ROBO2: variants seen among roughly 807,000 people sequenced by gnomAD.
The protein encoded by ROBO2 is roundabout homolog 2.
ROBO2 carries 53 observed loss-of-function variants against 160.8 expected under a neutral mutation model. That is an observed-to-expected ratio of 0.33 (90% CI 0.26 to 0.41). ROBO2 has a LOEUF of 0.41. Ranked by LOEUF, ROBO2 falls within the 10% of genes least tolerant of loss-of-function variation. ROBO2 has a pLI of 1.00. For missense variants in ROBO2, 1,577 were observed against 1,722.4 expected (o/e 0.92, Z 1.49); for synonymous variants, 664 against 611.7 (o/e 1.09, Z -1.26).
At chr3:76,458,091 A>C (rs1316885235) in intron 2 of ROBO2, among the ~76,000 whole-genome samples, 1 of 152,200 alleles carries the variant, frequency 6.6e-6, no homozygotes, top group African/African-American at 2.4e-5. Context: ...ACTTATGCAA[A>C]GTTCTGCAGC....
At chr3:75,958,757 A>G (rs116647311) in intron 2 of ROBO2, among the ~76,000 whole-genome samples, 3,837 of 151,838 alleles carry the variant, frequency 0.025, 71 homozygotes, top group Non-Finnish European at 0.037. Flanking sequence ...AAATTCTTAT[A>G]TCTTTAGTAG....
chr3:77,335,868 C>A (rs2066445696), intron 2 of ROBO2, among the ~76,000 whole-genome samples: 1 of 152,170 alleles, frequency 6.6e-6, no homozygotes, highest in African/African-American at 2.4e-5. Flanking sequence ...ATAAGCAATG[C>A]AACCTTGTTA....
At chr3:76,475,138 T>A (rs889569925) in intron 2 of ROBO2, among the ~76,000 whole-genome samples, 1 of 151,574 alleles carries the variant, frequency 6.6e-6, no homozygotes, top group Non-Finnish European at 1.5e-5. Flanking sequence ...TAATATGAGA[T>A]GATAGTTCAA....
intron 2 of ROBO2, among the ~76,000 whole-genome samples, chr3:77,367,741 T>A (rs1000697909): frequency 6.6e-6 from 1 of 152,252 alleles, no homozygotes; most frequent in African/African-American, 2.4e-5. Context: ...CTTCCAGAAC[T>A]TTATTCTGTT....
chr3:76,922,727 C>A (rs907460725), intron 2 of ROBO2, among the ~76,000 whole-genome samples: 1 of 152,186 alleles, frequency 6.6e-6, no homozygotes, highest in Non-Finnish European at 1.5e-5. Flanking sequence ...CACTCCTCAT[C>A]ACTTCTCCCA....
At chr3:77,175,348 G>A (rs968145010) in intron 2 of ROBO2, among the ~76,000 whole-genome samples, 6 of 151,870 alleles carry the variant, frequency 4.0e-5, no homozygotes, top group African/African-American at 9.7e-5. Flanking sequence ...GGGTTTTTTC[G>A]GGGTTTTATA....
At chr3:76,720,558 T>G (rs1004267191) in intron 2 of ROBO2, among the ~76,000 whole-genome samples, 1 of 152,158 alleles carries the variant, frequency 6.6e-6, no homozygotes, top group Non-Finnish European at 1.5e-5. Context: ...CGGTACAGAT[T>G]TACATACTTT....
chr3:76,950,806 T>C (rs2078909275), intron 2 of ROBO2, among the ~76,000 whole-genome samples: 1 of 152,150 alleles, frequency 6.6e-6, no homozygotes, highest in African/African-American at 2.4e-5. Flanking sequence ...AGCTCACTGC[T>C]GCCTGGACCT....
At chr3:77,315,239 T>C (rs1298383391) in intron 2 of ROBO2, among the ~76,000 whole-genome samples, 1 of 152,168 alleles carries the variant, frequency 6.6e-6, no homozygotes, top group Admixed American at 6.5e-5. Flanking sequence ...AATAGAAGCA[T>C]GGTAAGTGTA....
At chr3:76,791,043 A>G (rs975889624) in intron 2 of ROBO2, among the ~76,000 whole-genome samples, 1 of 151,844 alleles carries the variant, frequency 6.6e-6, no homozygotes, top group African/African-American at 2.4e-5. Context: ...TTCTGTTGCC[A>G]TCATCATAGT....
intron 2 of ROBO2, among the ~76,000 whole-genome samples, chr3:77,178,914 T>C (rs2150818574): frequency 6.6e-6 from 1 of 152,162 alleles, no homozygotes; most frequent in Middle Eastern, 3.4e-3. Context: ...GCATTAGTCT[T>C]ACTCGAGGCA....
intron 2 of ROBO2, among the ~76,000 whole-genome samples, chr3:76,335,537 A>T (rs1425442104): frequency 6.6e-6 from 1 of 150,910 alleles, no homozygotes; most frequent in Non-Finnish European, 1.5e-5. Context: ...GCTGGTTTTC[A>T]TTTTAATTAT....
intron 2 of ROBO2, among the ~76,000 whole-genome samples, chr3:76,583,538 T>C (rs1461184888): frequency 2.6e-5 from 4 of 152,174 alleles, no homozygotes. Context: ...CTTCATTTTC[T>C]TGGACTCTCT....
intron 6 of ROBO2, among the ~76,000 whole-genome samples, chr3:77,531,155 A>G (rs1311008455): frequency 6.6e-6 from 1 of 152,066 alleles, no homozygotes. Context: ...CTGAAAGCTG[A>G]GTACTTCACG....
At chr3:76,667,646 C>T (rs1415787412) in intron 2 of ROBO2, among the ~76,000 whole-genome samples, 1 of 144,074 alleles carries the variant, frequency 6.9e-6, no homozygotes, top group African/African-American at 2.5e-5. Context: ...ATCAGGCGTA[C>T]TGTTTTTGGT....
rs529520915 is a variant in ROBO2 at position 76,464,461 on chromosome 3, C to G, written c.109+526859C>G. 3.3e-5 allele frequency among the ~76,000 whole-genome samples: 5 copies of G among 152,126 alleles called. No individual in the cohort carries two copies. In the South Asian group the frequency reaches 1.0e-3, roughly 32 times the overall value. On this transcript the variant is annotated intron_variant, in intron 2 of 26. Transcript: ENST00000487694. ...GTCTTTTCTTTCTCCTAATCCTACC[C>G]CTAAGGATCACACCAAACCACTCTC...
chr3:77,073,752 T>C (rs2067653408), intron 1 of ROBO2, among the ~76,000 whole-genome samples: 1 of 152,186 alleles, frequency 6.6e-6, no homozygotes, highest in Non-Finnish European at 1.5e-5. Flanking sequence ...TGAAGTTGTC[T>C]TATTTAATGT....
intron 2 of ROBO2, among the ~76,000 whole-genome samples, chr3:76,151,830 C>T (rs1336379201): frequency 6.6e-6 from 1 of 152,078 alleles, no homozygotes; most frequent in Non-Finnish European, 1.5e-5. Flanking sequence ...TCATCATCAT[C>T]ATCGGAAGGA....
intron 2 of ROBO2, among the ~76,000 whole-genome samples, chr3:76,897,639 T>A (rs2074903192): frequency 6.6e-6 from 1 of 152,086 alleles, no homozygotes; most frequent in Non-Finnish European, 1.5e-5. Flanking sequence ...TCAATGTGCT[T>A]CTTTCCTTTG....
Sources: allele counts gnomAD v4.1 joint callset (sites outside exome capture counted in the v4.1 genomes callset), GRCh38; gene constraint gnomAD v4.1.1; transcripts MANE v1.5; gene names NCBI Gene and HGNC (gene_info 2026-07-23, HGNC 2026-07-21).